PCBP3: variants seen among roughly 807,000 people sequenced by gnomAD.
PCBP3 encodes poly(rC)-binding protein 3.
Under a neutral mutation model 52.7 loss-of-function variants are expected in PCBP3, and 25 were observed. That is an observed-to-expected ratio of 0.47 (90% CI 0.35 to 0.66). The LOEUF (loss-of-function observed/expected upper bound fraction) is 0.66. Ranked by LOEUF, PCBP3 falls within the 30% of genes least tolerant of loss-of-function variation. The probability of loss-of-function intolerance (pLI) is 0.01; values close to 1 mark genes in which losing one functional copy is unlikely to be tolerated. For synonymous variants in PCBP3, 162 were observed against 183.0 expected (o/e 0.89, Z 0.93); for missense variants, 391 against 490.3 (o/e 0.80, Z 1.91).
intron 2 of PCBP3, among the ~76,000 whole-genome samples, chr21:45,710,453 G>C (rs1319992726): frequency 2.0e-5 from 3 of 152,098 alleles, no homozygotes; most frequent in Admixed American, 2.0e-4. Context: ...ATGGTTTCCA[G>C]CTTCATCCAT....
At chr21:45,708,537 A>G (rs1403333287) in intron 2 of PCBP3, among the ~76,000 whole-genome samples, 1 of 152,228 alleles carries the variant, frequency 6.6e-6, no homozygotes, top group African/African-American at 2.4e-5. Flanking sequence ...TTCAGGAAAC[A>G]AAGTGAAAGG....
chr21:45,907,884 G>A (rs9980538), intron 9 of PCBP3, among the ~76,000 whole-genome samples: 46,377 of 150,772 alleles, frequency 0.31, 7,358 homozygotes, highest in Middle Eastern at 0.42. Context: ...AGGGGCAGTG[G>A]GAGGAAAAGG....
chr21:45,876,946 G>A (rs963685390), intron 5 of PCBP3, among the ~76,000 whole-genome samples: 1 of 152,230 alleles, frequency 6.6e-6, no homozygotes, highest in African/African-American at 2.4e-5. Flanking sequence ...CCGCCTTCTC[G>A]GGGCAAGCAG....
chr21:45,764,896 G>T (rs2089144680), intron 4 of PCBP3, among the ~76,000 whole-genome samples: 1 of 152,210 alleles, frequency 6.6e-6, no homozygotes, highest in Non-Finnish European at 1.5e-5. Context: ...GAGAAGCTTT[G>T]CTCTTGGAAG....
chr21:45,796,819 G>A (rs1437214158), intron 4 of PCBP3, among the ~76,000 whole-genome samples: 1 of 152,144 alleles, frequency 6.6e-6, no homozygotes. Context: ...AAAAAACTTT[G>A]TATGGGGTTT....
At chr21:45,646,631 C>T (rs78414117) in intron 1 of PCBP3, among the ~76,000 whole-genome samples, 1,759 of 152,316 alleles carry the variant, frequency 0.012, 50 homozygotes, top group African/African-American at 0.039. Context: ...TGGATTAATC[C>T]ATTTTATGAG....
chr21:45,844,874 G>GAAGTTTATATACGTATATA (rs2093775224), intron 4 of PCBP3, among the ~76,000 whole-genome samples: 2 of 141,924 alleles, frequency 1.4e-5, no homozygotes. Flanking sequence ...ATACGTATAT[G>GAAGTTTATATACGTATATA]AAGTTTATAT....
chr21:45,742,091 G>T (rs2086492573), intron 3 of PCBP3, among the ~76,000 whole-genome samples: 1 of 152,144 alleles, frequency 6.6e-6, no homozygotes, highest in Admixed American at 6.5e-5. Context: ...TCATTTATTG[G>T]ATTATTCCCT....
At chr21:45,899,885 G>C (rs570073942) in intron 7 of PCBP3, among the ~76,000 whole-genome samples, 2 of 152,318 alleles carry the variant, frequency 1.3e-5, no homozygotes, top group African/African-American at 4.8e-5. Context: ...GGCCTTGGTG[G>C]CCAGTCCTTC....
chr21:45,692,882 C>T (rs1466392493), intron 2 of PCBP3, among the ~76,000 whole-genome samples: 1 of 152,164 alleles, frequency 6.6e-6, no homozygotes, highest in Non-Finnish European at 1.5e-5. Flanking sequence ...ATCCTTAAAA[C>T]ATTATCAAAT....
In PCBP3 at chr21:45,875,480, G is replaced by A. The variant is rs187571059; in HGVS notation, c.11-20728G>A. ...ACACAACGTCAGAAAACTCAAATTC[G>A]ATTAAAAACTCAGGTCTGCTACTGG... On this transcript the variant is annotated intron_variant, in intron 5 of 17. Transcript: ENST00000681687. Among the ~76,000 whole-genome samples the A allele has an allele frequency of 1.3e-4, 20 of 152,310 alleles. No homozygotes were observed. The East Asian group carries it at 1.9e-3, about 15-fold the overall frequency.
chr21:45,922,976 G>A (rs535222780), intron 13 of PCBP3, among the ~76,000 whole-genome samples: 226 of 123,094 alleles, frequency 1.8e-3, no homozygotes, highest in African/African-American at 7.2e-3. Context: ...GTAGAAATGT[G>A]TCGTTGTAAG....
In PCBP3 at chr21:45,704,562, G is replaced by A. The variant is rs916874093; in HGVS notation, c.-199-30830G>A. On this transcript the variant is annotated intron_variant, in intron 2 of 17. Transcript: ENST00000681687. This position sits in a 1 kb window ranked among gnomAD's most constrained non-coding sequence, Gnocchi z 4.1. ...CTGCTGGCGGTGGGGGGCGGTGATC[G>A]GATATGGGAAGGAGGGAGACATGGA... Among the ~76,000 whole-genome samples the A allele has an allele frequency of 1.3e-5, 2 of 152,024 alleles. No homozygotes were observed. The highest frequency in any genetic ancestry group is 4.8e-5 in the African/African-American group (2 of 41,388).
intron 4 of PCBP3, among the ~76,000 whole-genome samples, chr21:45,784,113 G>A (rs1368484911): frequency 2.0e-5 from 3 of 152,318 alleles, no homozygotes; most frequent in Middle Eastern, 6.8e-3. Context: ...GTAATTTGCA[G>A]AGTCCAGTGT....
At chr21:45,713,654 G>A (rs962274692) in intron 2 of PCBP3, among the ~76,000 whole-genome samples, 6 of 152,290 alleles carry the variant, frequency 3.9e-5, no homozygotes, top group Middle Eastern at 3.4e-3. Flanking sequence ...GCCATGCTCC[G>A]CTACTTGCAT....
intron 1 of PCBP3, among the ~76,000 whole-genome samples, chr21:45,644,157 G>A: frequency 6.6e-6 from 1 of 151,370 alleles, no homozygotes; most frequent in Non-Finnish European, 1.5e-5. Context: ...GGGAAGCCGA[G>A]AACGTCTCGG....
At chr21:45,676,196 A>T (rs776732354) in intron 2 of PCBP3, among the ~76,000 whole-genome samples, 1 of 152,204 alleles carries the variant, frequency 6.6e-6, no homozygotes, top group Non-Finnish European at 1.5e-5. Context: ...AATGTCTGAA[A>T]ATTGAACTAA....
At chr21:45,847,928 C>T (rs185528826) in intron 4 of PCBP3, among the ~76,000 whole-genome samples, 1 of 152,276 alleles carries the variant, frequency 6.6e-6, no homozygotes, top group Admixed American at 6.5e-5. Context: ...TTGGGAACTC[C>T]AGTCTTTGTT....
At chr21:45,799,400 C>G (rs1002081266) in intron 4 of PCBP3, among the ~76,000 whole-genome samples, 1 of 151,940 alleles carries the variant, frequency 6.6e-6, no homozygotes, top group Non-Finnish European at 1.5e-5. Flanking sequence ...ATTTACATAA[C>G]TTTTATTATG....
Sources: allele counts gnomAD v4.1 joint callset (sites outside exome capture counted in the v4.1 genomes callset), GRCh38; gene constraint gnomAD v4.1.1; non-coding constraint Gnocchi (gnomAD v3.1); transcripts MANE v1.5; gene names NCBI Gene and HGNC (gene_info 2026-07-23, HGNC 2026-07-21).